The following CST9L variants were observed in gnomAD, a reference collection of about 807,000 sequenced individuals.
CST9L encodes cystatin 9 like, also known as cystatin-9-like.
Under a neutral mutation model 13.2 loss-of-function variants are expected in CST9L, and 17 were observed. The ratio of observed to expected loss-of-function variants is 1.29; its 90% CI spans 0.88 to 1.93. CST9L has a LOEUF of 1.93. CST9L is among the 30% of genes most tolerant of loss of function. CST9L has a pLI of 0.00. For synonymous variants in CST9L, 78 were observed against 69.1 expected (o/e 1.13, Z -0.64); for missense variants, 170 against 170.5 (o/e 1.00, Z 0.02).
chr20:23,566,166 G>T, intron 1 of CST9L, 79 bp from the exon 2 acceptor site: 7 of 843,270 alleles, frequency 8.3e-6, no homozygotes, highest in Non-Finnish European at 1.5e-5. Context: ...TGTCATTTGT[G>T]TAGGAGAAGT....
chr20:23,564,903 G>T lies in CST9L; in HGVS notation c.*45C>A, dbSNP rs138984571. The T allele has an allele frequency of 8.1e-6, 11 of 1,349,750 alleles. No individual in the cohort carries two copies. Among genetic ancestry groups the T allele is most frequent in the Non-Finnish European group, 4.3e-6 (4 of 938,778 alleles). 83.6% of individuals were successfully genotyped at this position (1,349,750 alleles called of 1,614,324 possible). A position where few individuals can be genotyped will look rare whatever the true frequency, so the allele number is the denominator to read the frequency against. Reference sequence around the variant, plus strand: ...TCAGGAGAGTAGTGCTGATGTCCACGGAATGTGGGAGCAGCACATGGACAA... The same window carrying T: ...TCAGGAGAGTAGTGCTGATGTCCACTGAATGTGGGAGCAGCACATGGACAA... On this transcript the variant is annotated 3_prime_UTR_variant, in exon 3 of 3. Coordinates refer to ENST00000376979, the MANE Select transcript of CST9L (RefSeq NM_080610.3).
chr20:23,565,523 T>TG (rs770486781), intron 2 of CST9L, among the ~76,000 whole-genome samples: 44 of 152,194 alleles, frequency 2.9e-4, no homozygotes, highest in Admixed American at 2.0e-3. Context: ...GGGAGGGTAG[T>TG]GGGGCTCCTT....
rs532802816 is a variant in CST9L, at chr20:23,565,912, A to G, written c.354+62T>C. On this transcript the variant is annotated intron_variant, in intron 2 of 2. Coordinates refer to ENST00000376979, the MANE Select transcript of CST9L (RefSeq NM_080610.3). ...CTCTTTGTCAGTTGCACCTGTGCCC[A>G]CACCACACCCCATGTGGCATCCACA... 4.3e-6 allele frequency: 4 copies of G among 927,636 alleles called. No homozygotes were observed. The South Asian group carries it at 5.2e-5, about 12-fold the overall frequency. The allele number at this position is 927,636 out of a possible 1,614,324, so 57.5% of individuals were successfully genotyped here.
In CST9L at chr20:23,568,423, G is replaced by A. The variant is rs776260283; in HGVS notation, c.28C>T (p.Leu10=). The part of the protein sequence containing the change: MLGLPWKGG[L]SWALLLLLLG... ...AGAAGCAGCAGCAGCGCCCAGGACAGACCTCCCTTCCACGGCAGGCCCAGC... is the reference window on the plus strand; with the variant it reads ...AGAAGCAGCAGCAGCGCCCAGGACAAACCTCCCTTCCACGGCAGGCCCAGC... The change falls in exon 1 of 3, where the codon CTG becomes TTG. Residue 10 remains leucine, a synonymous_variant. Coordinates refer to ENST00000376979, the MANE Select transcript of CST9L (RefSeq NM_080610.3). 2 of 1,613,968 alleles carry A rather than the reference G, an allele frequency of 1.2e-6. No individual in the cohort carries two copies. The highest frequency in any genetic ancestry group is 2.2e-5 in the East Asian group (1 of 44,894).
In CST9L at chr20:23,564,884, G is replaced by A; in HGVS notation, c.*64C>T. On this transcript the variant is annotated 3_prime_UTR_variant, in exon 3 of 3. Coordinates refer to ENST00000376979, the MANE Select transcript of CST9L (RefSeq NM_080610.3). ...CTCAGCCACTGAAGAGTCCTCAGGA[G>A]AGTAGTGCTGATGTCCACGGAATGT... The A allele has an allele frequency of 8.9e-7, 1 of 1,119,656 alleles. No individual in the cohort carries two copies. Among genetic ancestry groups the A allele is most frequent in the Admixed American group, 1.7e-5 (1 of 59,400 alleles). 69.4% of individuals were successfully genotyped at this position (1,119,656 alleles called of 1,614,324 possible). A position where few individuals can be genotyped will look rare whatever the true frequency, so the allele number is the denominator to read the frequency against.
intron 1 of CST9L, among the ~76,000 whole-genome samples, chr20:23,567,711 A>C (rs562484973): frequency 5.1e-4 from 78 of 152,210 alleles, no homozygotes; most frequent in Non-Finnish European, 1.0e-3. Context: ...GAGCTCAGAG[A>C]AGTTGGAAAT....
At chr20:23,566,167 TAGG>T (rs1568681414) in intron 1 of CST9L, 80 bp from the exon 2 acceptor site, 23 of 843,084 alleles carry the variant, frequency 2.7e-5, no homozygotes, top group East Asian at 1.2e-4. Flanking sequence ...GTCATTTGTG[TAGG>T]AGAAGTCCCA....
chr20:23,568,309 G>C lies in CST9L; in HGVS notation c.142C>G (p.Pro48Ala). ...TGGACAGCAAACTCCACTGTGGCAG[G>C]GAGGTAACGAGCCATGACATTGTGT... ...DEHNVMARYL[P>A]ATVEFAVHTF... Residue 48 changes from proline to alanine, a missense_variant, in exon 1 of 3, where the codon CCT (proline) becomes GCT (alanine). Coordinates refer to ENST00000376979, the MANE Select transcript of CST9L (RefSeq NM_080610.3). 1 of 1,614,134 alleles carries C rather than the reference G, an allele frequency of 6.2e-7. No individual in the cohort carries two copies. Among genetic ancestry groups the C allele is most frequent in the Non-Finnish European group, 8.5e-7 (1 of 1,180,026 alleles).
In CST9L at chr20:23,565,898, T is replaced by C. The variant is rs1989086104; in HGVS notation, c.354+76A>G. ...TCACTCCTCTAAGTCTCTTTGTCAG[T>C]TGCACCTGTGCCCACACCACACCCC... is the stretch of plus-strand genomic sequence containing the variant. On this transcript the variant is annotated intron_variant, in intron 2 of 2. Transcript: ENST00000376979. The C allele has an allele frequency of 3.6e-6, 3 of 841,252 alleles. No homozygotes were observed. The South Asian group carries it at 4.0e-5, about 11-fold the overall frequency. The allele number at this position is 841,252 out of a possible 1,614,324, so 52.1% of individuals were successfully genotyped here. A position where few individuals can be genotyped will look rare whatever the true frequency, so the allele number is the denominator to read the frequency against.
Position 23,564,907 on chromosome 20 carries a change from T to C in CST9L, c.*41A>G. On this transcript the variant is annotated 3_prime_UTR_variant, in exon 3 of 3. Coordinates refer to ENST00000376979, the MANE Select transcript of CST9L (RefSeq NM_080610.3). ...GAGAGTAGTGCTGATGTCCACGGAA[T>C]GTGGGAGCAGCACATGGACAAGCCT... The C allele has an allele frequency of 1.5e-6, 2 of 1,373,206 alleles. No homozygotes were observed. Among genetic ancestry groups the C allele is most frequent in the Admixed American group, 1.7e-5 (1 of 59,746 alleles). 85.1% of individuals were successfully genotyped at this position (1,373,206 alleles called of 1,614,324 possible).
chr20:23,568,379 C>T lies in CST9L; in HGVS notation c.72G>A (p.Leu24=). The T allele has an allele frequency of 3.1e-6, 5 of 1,614,182 alleles. No individual in the cohort carries two copies. The highest frequency in any genetic ancestry group is 4.2e-6 in the Non-Finnish European group (5 of 1,180,010). Residue 24 remains leucine (L), a synonymous_variant, in exon 1 of 3, where the codon CTG becomes CTA. Transcript: ENST00000376979. ...LLLLLLGSQI[L]LIYAWHFHEQ... is the part of the protein sequence containing the mutation. ...CGTGGAAATGCCAGGCATAGATCAG[C>T]AGGATCTGGGAGCCTAAGAGAAGCA...
At position 23,566,097 on chromosome 20, in the gene CST9L, A is replaced by C. The variant is rs2122339228; in HGVS notation, c.241-10T>G. The C allele has an allele frequency of 9.7e-6, 14 of 1,439,858 alleles. No homozygotes were observed. The highest frequency in any genetic ancestry group is 1.3e-5 in the Non-Finnish European group (13 of 1,020,830). The allele number at this position is 1,439,858 out of a possible 1,614,324, so 89.2% of individuals were successfully genotyped here. A position where few individuals can be genotyped will look rare whatever the true frequency, so the allele number is the denominator to read the frequency against. The stretch of plus-strand genomic sequence containing the variant: ...CAGTCTTGGACTCCACCTATTGCAC[A>C]CAGAGAGATTAATGTGAACACACCC... On this transcript the variant is annotated splice_polypyrimidine_tract_variant and intron_variant, in intron 1 of 2. Coordinates refer to ENST00000376979, the MANE Select transcript of CST9L (RefSeq NM_080610.3).
chr20:23,566,776 C>A lies in CST9L; in HGVS notation c.241-689G>T, dbSNP rs145500085. Among the ~76,000 whole-genome samples, 5 of 152,058 alleles carry A rather than the reference C, an allele frequency of 3.3e-5. 1 individual carries two copies. The highest frequency in any genetic ancestry group is 1.3e-4 in the Admixed American group (2 of 15,272). On this transcript the variant is annotated intron_variant, in intron 1 of 2. Transcript: ENST00000376979. ...GCAGGTGCTTGTAATCCCAGCTACT[C>A]GGGAGGGAGGCTGAGGCAGGAGAAT...
chr20:23,566,157 G>A, intron 1 of CST9L, 70 bp from the exon 2 acceptor site: 1 of 888,980 alleles, frequency 1.1e-6, no homozygotes, highest in East Asian at 2.4e-5. Flanking sequence ...TGGTGAAGAT[G>A]TCATTTGTGT....
Position 23,568,364 on chromosome 20 carries a change from C to T in CST9L, c.87G>A (p.Trp29Ter), listed in dbSNP as rs777282583. Reference protein sequence around the residue: ...LGSQILLIYAWHFHEQRDCDE... With the variant: ...LGSQILLIYA The stretch of plus-strand genomic sequence containing the variant: ...CACAGTCCCTTTGCTCGTGGAAATG[C>T]CAGGCATAGATCAGCAGGATCTGGG... Residue 29 changes from tryptophan to a stop codon, truncating the protein, a stop_gained, in exon 1 of 3, where the codon TGG becomes TGA. Coordinates refer to ENST00000376979, the MANE Select transcript of CST9L (RefSeq NM_080610.3). LOFTEE classifies it high-confidence loss of function. 5 of 1,614,186 alleles carry T rather than the reference C, an allele frequency of 3.1e-6. No individual in the cohort carries two copies. The highest frequency in any genetic ancestry group is 4.2e-6 in the Non-Finnish European group (5 of 1,180,030).
Position 23,568,202 on chromosome 20 carries a change from G to T in CST9L, c.240+9C>A, listed in dbSNP as rs200554161. ...AGATGCCAGGGCAGGAGGGTACGTG[G>T]TCACCAACCTGCTCCTTCCAGGAAT... is the stretch of plus-strand genomic sequence containing the variant. On this transcript the variant is annotated intron_variant, in intron 1 of 2. Coordinates refer to ENST00000376979, the MANE Select transcript of CST9L (RefSeq NM_080610.3). 108 of 1,614,076 alleles carry T rather than the reference G, an allele frequency of 6.7e-5. No individual in the cohort carries two copies. Among genetic ancestry groups the T allele is most frequent in the Non-Finnish European group, 4.9e-5 (58 of 1,179,980 alleles).
intron 1 of CST9L, among the ~76,000 whole-genome samples, chr20:23,566,585 T>C (rs1989098647): frequency 6.6e-6 from 1 of 152,100 alleles, no homozygotes; most frequent in Non-Finnish European, 1.5e-5. Context: ...GGACAATGGC[T>C]TCAAGAAACA....
intron 1 of CST9L, 127 bp from the exon 2 acceptor site, chr20:23,566,214 C>A (rs1451237318): frequency 2.8e-6 from 2 of 702,410 alleles, no homozygotes; most frequent in South Asian, 3.1e-5. Context: ...TGCCCATGGG[C>A]CTGGCATCAG....
At position 23,565,750 on chromosome 20, in the gene CST9L, T is replaced by A. The variant is rs572740095; in HGVS notation, c.354+224A>T. ...CTGGGTGCAGGCAGCTGCAGTGGCA[T>A]GACAGGGCAGAGTTGATAAACTCAG... On this transcript the variant is annotated intron_variant, in intron 2 of 2. Transcript: ENST00000376979. Among the ~76,000 whole-genome samples the A allele has an allele frequency of 7.2e-5, 11 of 152,294 alleles. No individual in the cohort carries two copies. The East Asian group carries it at 2.1e-3, about 29-fold the overall frequency.
Sources: allele counts gnomAD v4.1 joint callset (sites outside exome capture counted in the v4.1 genomes callset), GRCh38; gene constraint gnomAD v4.1.1; transcripts MANE v1.5; gene names NCBI Gene and HGNC (gene_info 2026-07-23, HGNC 2026-07-21).